UBOX5: variants seen among roughly 807,000 people sequenced by gnomAD.
UBOX5 encodes RING finger protein 37.
UBOX5 carries 28 observed loss-of-function variants against 39.0 expected under a neutral mutation model. That is an observed-to-expected ratio of 0.72 (90% CI 0.53 to 0.98). The LOEUF (loss-of-function observed/expected upper bound fraction) is 0.98. UBOX5 is among the 50% of genes least tolerant of loss of function. UBOX5 has a pLI of 0.00. For synonymous variants in UBOX5, 283 were observed against 275.5 expected (o/e 1.03, Z -0.27); for missense variants, 585 against 674.4 (o/e 0.87, Z 1.47).
At position 3,148,619 on chromosome 20, in the gene UBOX5, A is replaced by G. The variant is rs758482387; in HGVS notation, c.-42+11147T>C. On this transcript the variant is annotated intron_variant, in intron 1 of 4. Coordinates refer to ENST00000217173, the MANE Select transcript of UBOX5 (RefSeq NM_014948.4). Reference sequence around the variant, plus strand: ...CTGGAGATTATTTTGATTAACTCTGACTTTGTGCAAAATTAGTTCACCTTC... The same window carrying G: ...CTGGAGATTATTTTGATTAACTCTGGCTTTGTGCAAAATTAGTTCACCTTC... The G allele has an allele frequency of 8.8e-5, 142 of 1,614,072 alleles. No individual in the cohort carries two copies. The highest frequency in any genetic ancestry group is 1.1e-4 in the Non-Finnish European group (125 of 1,180,056).
chr20:3,146,918 T>A, intron 1 of UBOX5: 1 of 1,614,214 alleles, frequency 6.2e-7, no homozygotes, highest in Non-Finnish European at 8.5e-7. Context: ...CTTCATATTG[T>A]GCAGTCCAAG....
At chr20:3,132,029 A>AAG (rs1568475057) in intron 1 of UBOX5, among the ~76,000 whole-genome samples, 1 of 119,212 alleles carries the variant, frequency 8.4e-6, no homozygotes, top group African/African-American at 3.2e-5. Context: ...AAAAAAAAAA[A>AAG]CTGGGCGTGG....
intron 1 of UBOX5, among the ~76,000 whole-genome samples, chr20:3,144,744 C>T (rs1321767494): frequency 1.3e-5 from 2 of 152,144 alleles, no homozygotes; most frequent in African/African-American, 2.4e-5. Flanking sequence ...TATACAATCT[C>T]CTTATGTTTG....
chr20:3,120,308 C>G (rs996777781), intron 3 of UBOX5, among the ~76,000 whole-genome samples: 1 of 147,472 alleles, frequency 6.8e-6, no homozygotes, highest in African/African-American at 2.6e-5. Flanking sequence ...TATCACGCCA[C>G]TGCACTCCAG....
At chr20:3,125,791 G>A (rs2066382436) in intron 1 of UBOX5, among the ~76,000 whole-genome samples, 1 of 143,776 alleles carries the variant, frequency 7.0e-6, no homozygotes, top group Non-Finnish European at 1.5e-5. Context: ...GAGCGCCTCT[G>A]CCCAGCCGCC....
chr20:3,131,122 G>A (rs1423901247), intron 1 of UBOX5, among the ~76,000 whole-genome samples: 10 of 151,870 alleles, frequency 6.6e-5, no homozygotes, highest in Non-Finnish European at 1.0e-4. Flanking sequence ...CCAGTTACTC[G>A]GGAGGCTGAA....
chr20:3,150,213 G>A (rs1293887503), intron 1 of UBOX5, among the ~76,000 whole-genome samples: 1 of 152,050 alleles, frequency 6.6e-6, no homozygotes, highest in Non-Finnish European at 1.5e-5. Flanking sequence ...GAGTAATGGT[G>A]TTATTAGAAA....
chr20:3,110,013 G>T lies in UBOX5; in HGVS notation c.*93C>A. On this transcript the variant is annotated 3_prime_UTR_variant, in exon 5 of 5. Coordinates refer to ENST00000217173, the MANE Select transcript of UBOX5 (RefSeq NM_014948.4). ...GAGGGAGCAGGCAGCTCTGTGCCTG[G>T]GGCCTGGCCAGACCTCAGGGGTGCT... 6.8e-7 allele frequency: 1 copy of T among 1,471,734 alleles called. No individual in the cohort carries two copies. Among genetic ancestry groups the T allele is most frequent in the Non-Finnish European group, 9.3e-7 (1 of 1,072,148 alleles). 91.2% of individuals were successfully genotyped at this position (1,471,734 alleles called of 1,614,324 possible).
In UBOX5 at chr20:3,107,876, G is replaced by A. The variant is rs577118205; in HGVS notation, c.*2230C>T. The stretch of plus-strand genomic sequence containing the variant: ...CAGTACCTCCAACACAGCTGCTTAA[G>A]GGGAGGCAGTCCGGCCCTCATCTGG... On this transcript the variant is annotated 3_prime_UTR_variant, in exon 5 of 5. Coordinates refer to ENST00000217173, the MANE Select transcript of UBOX5 (RefSeq NM_014948.4). This position sits in a 1 kb window ranked among gnomAD's most constrained non-coding sequence, Gnocchi z 5.0. The A allele has an allele frequency of 6.6e-6, 1 of 152,204 alleles. No individual in the cohort carries two copies. The highest frequency in any genetic ancestry group is 1.5e-5 in the Non-Finnish European group (1 of 68,082). 9.4% of individuals were successfully genotyped at this position (152,204 alleles called of 1,614,324 possible).
At chr20:3,138,871 T>C (rs1347128042) in intron 1 of UBOX5, among the ~76,000 whole-genome samples, 1 of 152,168 alleles carries the variant, frequency 6.6e-6, no homozygotes, top group Admixed American at 6.6e-5. Context: ...CCTACAAAGT[T>C]ACCATAGCTG....
chr20:3,156,971 C>CA (rs2066692320), intron 1 of UBOX5, among the ~76,000 whole-genome samples: 1 of 151,954 alleles, frequency 6.6e-6, no homozygotes, highest in Admixed American at 6.6e-5. Context: ...ATTAAAAAGG[C>CA]AAAAAAACTG....
chr20:3,116,238 A>G (rs547503782), intron 3 of UBOX5, among the ~76,000 whole-genome samples: 215 of 152,252 alleles, frequency 1.4e-3, no homozygotes, highest in Middle Eastern at 3.4e-3. Flanking sequence ...CTAGGTGTTC[A>G]TGTCCTCTCT....
Position 3,158,272 on chromosome 20 carries a change from T to C in UBOX5, c.-42+1494A>G, listed in dbSNP as rs188758554. Among the ~76,000 whole-genome samples, 357 of 151,298 alleles carry C rather than the reference T, an allele frequency of 2.4e-3. 2 individuals are homozygous for C. The highest frequency in any genetic ancestry group is 4.1e-3 in the Non-Finnish European group (278 of 67,744). On this transcript the variant is annotated intron_variant, in intron 1 of 4. Transcript: ENST00000217173. Reference sequence around the variant, plus strand: ...AGGCATGAGCCACCGCACCTGACCTTAGAATTATTTTATATCAAAGTTGAC... The same window carrying C: ...AGGCATGAGCCACCGCACCTGACCTCAGAATTATTTTATATCAAAGTTGAC...
chr20:3,159,317 G>A (rs543223907), intron 1 of UBOX5, among the ~76,000 whole-genome samples: 2 of 152,330 alleles, frequency 1.3e-5, no homozygotes, highest in East Asian at 1.9e-4. Flanking sequence ...TGTGGTCTGC[G>A]TGCCAGAGGC....
chr20:3,149,350 G>A lies in UBOX5; in HGVS notation c.-42+10416C>T. 2.4e-6 allele frequency: 1 copy of A among 416,434 alleles called. No individual in the cohort carries two copies. The highest frequency in any genetic ancestry group is 4.3e-6 in the Non-Finnish European group (1 of 232,870). 25.8% of individuals were successfully genotyped at this position (416,434 alleles called of 1,614,324 possible). ...ATAAAAAACAGGTTGAAACTACACTGCTGTCTACTCAAATAAGTTCAATGC... is the reference window on the plus strand; with the variant it reads ...ATAAAAAACAGGTTGAAACTACACTACTGTCTACTCAAATAAGTTCAATGC... On this transcript the variant is annotated intron_variant, in intron 1 of 4. Coordinates refer to ENST00000217173, the MANE Select transcript of UBOX5 (RefSeq NM_014948.4). The surrounding 1 kb of genome is among the most constrained non-coding windows in gnomAD (Gnocchi z 4.1).
intron 1 of UBOX5, among the ~76,000 whole-genome samples, chr20:3,137,760 C>A (rs1267167741): frequency 6.6e-6 from 1 of 152,208 alleles, no homozygotes; most frequent in Non-Finnish European, 1.5e-5. Context: ...ACACTTTTAT[C>A]ACAAGAATTT....
chr20:3,145,160 C>CT lies in UBOX5; in HGVS notation c.-42+14605dup, dbSNP rs879764164. On this transcript the variant is annotated intron_variant, in intron 1 of 4. Transcript: ENST00000217173. ...GAAATATAAGTGAAGCTTTGAGAGC[C>CT]TTTTTTTTTTTTGACAGGGTCTCAC... is the stretch of plus-strand genomic sequence containing the variant. Among the ~76,000 whole-genome samples, 561 of 143,636 alleles carry CT rather than the reference C, an allele frequency of 3.9e-3. 4 individuals carry two copies. The highest frequency in any genetic ancestry group is 5.1e-3 in the Non-Finnish European group (334 of 65,300). The allele number at this position is 143,636 out of a possible 152,430, so 94.2% of individuals were successfully genotyped here.
chr20:3,127,712 A>G (rs1046671341), intron 1 of UBOX5, among the ~76,000 whole-genome samples: 1 of 152,194 alleles, frequency 6.6e-6, no homozygotes, highest in African/African-American at 2.4e-5. Flanking sequence ...ACACCCAAAC[A>G]TTTATACACG....
chr20:3,115,074 A>G (rs1021083308), intron 4 of UBOX5, among the ~76,000 whole-genome samples: 1 of 152,212 alleles, frequency 6.6e-6, no homozygotes, highest in East Asian at 1.9e-4. Flanking sequence ...AGAATTACTA[A>G]GGATTGACTA....
Sources: allele counts gnomAD v4.1 joint callset (sites outside exome capture counted in the v4.1 genomes callset), GRCh38; gene constraint gnomAD v4.1.1; non-coding constraint Gnocchi (gnomAD v3.1); transcripts MANE v1.5; gene names NCBI Gene and HGNC (gene_info 2026-07-23, HGNC 2026-07-21).